The following SYT1 variants were observed in gnomAD, a reference collection of about 807,000 sequenced individuals.
SYT1 encodes the protein synaptotagmin 1.
Under a neutral mutation model 44.8 loss-of-function variants are expected in SYT1, and 8 were observed. The observed-to-expected ratio is 0.18, with a 90% CI of 0.10 to 0.32. The LOEUF is 0.32. Among genes scored for constraint, SYT1 ranks in the 10% least tolerant of loss-of-function variants. The pLI is 1.00. For missense variants in SYT1, 286 were observed against 509.3 expected (o/e 0.56, Z 4.22); for synonymous variants, 154 against 188.8 (o/e 0.82, Z 1.51).
At chr12:78,976,715 A>C (rs1247875485) in intron 1 of SYT1, 1 of 152,196 alleles carries the variant, frequency 6.6e-6, no homozygotes, top group Non-Finnish European at 1.5e-5. Flanking sequence ...AGTCACTGGA[A>C]TCGACAAAAC....
At chr12:78,969,369 C>T (rs1414007666) in intron 1 of SYT1, among the ~76,000 whole-genome samples, 5 of 152,048 alleles carry the variant, frequency 3.3e-5, no homozygotes, top group African/African-American at 4.8e-5. Context: ...AGGTGACATT[C>T]GGAAAAAGAC....
intron 3 of SYT1, among the ~76,000 whole-genome samples, chr12:79,211,201 T>C (rs1003454621): frequency 6.6e-6 from 1 of 152,104 alleles, no homozygotes; most frequent in Admixed American, 6.5e-5. Context: ...GTCTCATAAT[T>C]TGTGTTTTTA....
chr12:79,043,453 G>A (rs1372132351), intron 2 of SYT1, among the ~76,000 whole-genome samples: 3 of 147,644 alleles, frequency 2.0e-5, no homozygotes, highest in Admixed American at 6.8e-5. Flanking sequence ...TGCAACCCCT[G>A]CCTTTTTTTG....
intron 1 of SYT1, among the ~76,000 whole-genome samples, chr12:78,872,571 T>G (rs1204006698): frequency 1.3e-5 from 2 of 151,808 alleles, no homozygotes; most frequent in African/African-American, 2.4e-5. Context: ...TTCTGTACAT[T>G]TTATTCCTTT....
intron 4 of SYT1, among the ~76,000 whole-genome samples, chr12:79,283,263 T>C (rs1251653730): frequency 6.6e-6 from 1 of 152,200 alleles, no homozygotes; most frequent in Admixed American, 6.5e-5. Flanking sequence ...CTTAAAGTTA[T>C]TCAGAAGATC....
At chr12:79,145,780 CGG>C (rs1869859523) in intron 3 of SYT1, among the ~76,000 whole-genome samples, 1 of 150,046 alleles carries the variant, frequency 6.7e-6, no homozygotes, top group Admixed American at 6.6e-5. Flanking sequence ...TTTTTTGAGA[CGG>C]AGTCTCGCTC....
At chr12:79,100,316 A>G (rs1244101504) in intron 3 of SYT1, among the ~76,000 whole-genome samples, 1 of 152,158 alleles carries the variant, frequency 6.6e-6, no homozygotes, top group Non-Finnish European at 1.5e-5. Flanking sequence ...GACTCATGCA[A>G]TCTAGCTCCC....
In SYT1 at chr12:79,083,614, G is replaced by A. The variant is rs376943555; in HGVS notation, c.-18+36252G>A. Among the ~76,000 whole-genome samples, 20 of 152,102 alleles carry A rather than the reference G, an allele frequency of 1.3e-4. 1 individual carries two copies. The highest frequency in any genetic ancestry group is 9.6e-4 in the East Asian group (5 of 5,182). On this transcript the variant is annotated intron_variant, in intron 3 of 10. Coordinates refer to ENST00000261205, the MANE Select transcript of SYT1 (RefSeq NM_005639.3). Reference sequence around the variant, plus strand: ...ATTAAAGTATTTAAAGTTGTAAAACGTATATTAATGTAAAAAATGCATTTA... The same window carrying A: ...ATTAAAGTATTTAAAGTTGTAAAACATATATTAATGTAAAAAATGCATTTA...
chr12:78,908,800 T>C (rs1001833785), intron 1 of SYT1, among the ~76,000 whole-genome samples: 1 of 151,938 alleles, frequency 6.6e-6, no homozygotes, highest in Admixed American at 6.6e-5. Flanking sequence ...AGTCATGACA[T>C]GTCCAGGTTT....
intron 9 of SYT1, among the ~76,000 whole-genome samples, chr12:79,381,314 T>C (rs1001505471): frequency 1.3e-5 from 2 of 152,196 alleles, no homozygotes; most frequent in Non-Finnish European, 2.9e-5. Context: ...TAAAACTCTG[T>C]AGTTGAGACT....
At chr12:79,410,976 T>A (rs984682008) in intron 9 of SYT1, among the ~76,000 whole-genome samples, 1 of 152,208 alleles carries the variant, frequency 6.6e-6, no homozygotes, top group South Asian at 2.1e-4. Flanking sequence ...CAGTTCTGAT[T>A]TGACAGCAAT....
At chr12:78,877,008 C>T (rs117872877) in intron 1 of SYT1, among the ~76,000 whole-genome samples, 6,434 of 105,232 alleles carry the variant, frequency 0.061, 230 homozygotes, top group Non-Finnish European at 0.082. Context: ...CAGAATTTTG[C>T]GATGACATTT....
intron 3 of SYT1, among the ~76,000 whole-genome samples, chr12:79,120,950 T>TATATAG (rs1555199869): frequency 1.4e-5 from 2 of 146,652 alleles, no homozygotes; most frequent in East Asian, 3.9e-4. Context: ...TATATATATA[T>TATATAG]ATAGATATAT....
rs570212755 is a variant in SYT1 at position 79,122,375 on chromosome 12, G to A, written c.-18+75013G>A. On this transcript the variant is annotated intron_variant, in intron 3 of 10. Coordinates refer to ENST00000261205, the MANE Select transcript of SYT1 (RefSeq NM_005639.3). ...TAAAAATACAAAAAATTAGCCGGGC[G>A]TGGTAGCGGGCGCCTGTAGTCCCAG... Among the ~76,000 whole-genome samples the A allele has an allele frequency of 5.5e-4, 82 of 150,194 alleles. 2 individuals carry two copies. In the South Asian group the frequency reaches 0.016, roughly 29 times the overall value.
At chr12:79,081,668 G>A (rs543538801) in intron 3 of SYT1, among the ~76,000 whole-genome samples, 6 of 152,100 alleles carry the variant, frequency 3.9e-5, no homozygotes, top group South Asian at 4.2e-4. Context: ...TGTGAGCCAC[G>A]GTGCCCAGCC....
chr12:79,347,702 C>T (rs1882671547), intron 8 of SYT1, among the ~76,000 whole-genome samples: 4 of 152,164 alleles, frequency 2.6e-5, no homozygotes, highest in Admixed American at 2.0e-4. Flanking sequence ...AGACACTATT[C>T]CAATGCTGGG....
intron 3 of SYT1, among the ~76,000 whole-genome samples, chr12:79,203,526 AACC>A (rs781031635): frequency 1.3e-5 from 2 of 152,190 alleles, no homozygotes; most frequent in African/African-American, 2.4e-5. Context: ...TGCCTAAACC[AACC>A]ATCGGCAAAA....
chr12:78,967,268 AAAGT>A (rs1255922472), intron 1 of SYT1, among the ~76,000 whole-genome samples: 1 of 152,208 alleles, frequency 6.6e-6, no homozygotes, highest in East Asian at 1.9e-4. Context: ...TTGAAAGGAT[AAAGT>A]AAGTCCTTTA....
At chr12:78,876,781 T>TATATGTATTAC (rs1874124420) in intron 1 of SYT1, among the ~76,000 whole-genome samples, 1 of 94,762 alleles carries the variant, frequency 1.1e-5, no homozygotes, top group Non-Finnish European at 2.0e-5. Context: ...ATTTATATAT[T>TATATGTATTAC]ATATAATACA....
Sources: allele counts gnomAD v4.1 joint callset (sites outside exome capture counted in the v4.1 genomes callset), GRCh38; gene constraint gnomAD v4.1.1; transcripts MANE v1.5; gene names NCBI Gene and HGNC (gene_info 2026-07-23, HGNC 2026-07-21).